Variants in PISD observed in about 807,000 individuals in gnomAD.
The protein encoded by PISD is phosphatidylserine decarboxylase, also known as phosphatidylserine decarboxylase proenzyme, mitochondrial.
A neutral mutation model predicts 43.5 loss-of-function variants in PISD; 31 were observed. The ratio of observed to expected loss-of-function variants is 0.71; its 90% confidence interval spans 0.54 to 0.96. The LOEUF is 0.96. Ranked by LOEUF, PISD falls within the 40% of genes least tolerant of loss-of-function variation. The pLI, the probability that PISD is intolerant of heterozygous loss-of-function variation, is 0.00. For missense variants in PISD, 523 were observed against 548.4 expected (o/e 0.95, Z 0.46); for synonymous variants, 259 against 228.7 (o/e 1.13, Z -1.20).
At chr22:31,620,918 T>TC in intron 6 of PISD, 78 bp downstream of exon 6, 1 of 1,490,626 alleles carries the variant, frequency 6.7e-7, no homozygotes, top group Non-Finnish European at 9.0e-7. Context: ...TGGAGCCTGG[T>TC]CCCCCAACAC....
intron 3 of PISD, among the ~76,000 whole-genome samples, chr22:31,637,205 A>ATATG (rs2073529910): frequency 2.7e-5 from 3 of 110,610 alleles, no homozygotes; most frequent in African/African-American, 1.1e-4. Context: ...ATATATATAT[A>ATATG]TAGAAAAATT....
chr22:31,625,197 C>T (rs946105295), intron 3 of PISD, among the ~76,000 whole-genome samples: 1 of 152,228 alleles, frequency 6.6e-6, no homozygotes. Flanking sequence ...TGGCGAACCC[C>T]GCTCAGGCTC....
intron 3 of PISD, among the ~76,000 whole-genome samples, chr22:31,633,646 T>C (rs1603403889): frequency 6.6e-6 from 1 of 151,320 alleles, no homozygotes; most frequent in Non-Finnish European, 1.5e-5. Context: ...ACCCAGGAGG[T>C]GGAGGTTGCA....
At chr22:31,638,935 T>G (rs1034590845) in intron 3 of PISD, among the ~76,000 whole-genome samples, 1 of 151,020 alleles carries the variant, frequency 6.6e-6, no homozygotes, top group Non-Finnish European at 1.5e-5. Flanking sequence ...GAGGCCGTGG[T>G]GAGCCCTGCT....
Position 31,650,623 on chromosome 22 carries a change from C to G in PISD, c.145+76G>C, listed in dbSNP as rs139862235. The G allele has an allele frequency of 3.6e-4, 294 of 810,242 alleles. 2 individuals are homozygous for G. The East Asian group carries it at 3.8e-3, about 10-fold the overall frequency. 50.2% of individuals were successfully genotyped at this position (810,242 alleles called of 1,614,324 possible). On this transcript the variant is annotated intron_variant, in intron 2 of 7. Coordinates refer to ENST00000439502, the MANE Select transcript of PISD (RefSeq NM_001326411.2). ...TAACTCATTTAACTCTAACAACAAC[C>G]CTATGTTTATCCCAATTTACAGATG...
chr22:31,634,043 A>G (rs1219009804), intron 3 of PISD, among the ~76,000 whole-genome samples: 2 of 152,176 alleles, frequency 1.3e-5, no homozygotes, highest in Non-Finnish European at 2.9e-5. Flanking sequence ...CCACCTGCAG[A>G]TGGAGGCCTC....
intron 3 of PISD, among the ~76,000 whole-genome samples, chr22:31,644,131 G>A (rs933368199): frequency 6.6e-5 from 10 of 152,042 alleles, no homozygotes; most frequent in Non-Finnish European, 1.0e-4. Flanking sequence ...GGTTCTTCAA[G>A]CTGGCTTATC....
chr22:31,652,133 T>C (rs2074043299), intron 1 of PISD, among the ~76,000 whole-genome samples: 1 of 150,398 alleles, frequency 6.6e-6, no homozygotes, highest in African/African-American at 2.5e-5. Flanking sequence ...TATTTAGTTA[T>C]GTCTTTTGTG....
chr22:31,625,580 C>T (rs2072860494), intron 3 of PISD: 2 of 687,462 alleles, frequency 2.9e-6, no homozygotes, highest in Middle Eastern at 3.9e-4. Flanking sequence ...ACCAAAGATA[C>T]CTGAAGCGGG....
intron 5 of PISD, 58 bp downstream of exon 5, chr22:31,621,276 C>T: frequency 1.2e-6 from 2 of 1,611,786 alleles, no homozygotes; most frequent in Non-Finnish European, 1.7e-6. Flanking sequence ...ATTCCCCTCC[C>T]TCCCGGTCCA....
chr22:31,645,395 G>A (rs978414280), intron 3 of PISD, among the ~76,000 whole-genome samples: 1 of 151,814 alleles, frequency 6.6e-6, no homozygotes, highest in Non-Finnish European at 1.5e-5. Context: ...GACAGAGCAA[G>A]GCCCTGCCTC....
At chr22:31,629,612 A>AG (rs2073099330) in intron 3 of PISD, 1 of 12,042 alleles carries the variant, frequency 8.3e-5, no homozygotes, top group Admixed American at 1.1e-3. Flanking sequence ...TGTGTAGGTG[A>AG]GGGGGTGTGT....
intron 3 of PISD, among the ~76,000 whole-genome samples, chr22:31,644,981 G>A (rs1169837624): frequency 6.6e-6 from 1 of 152,058 alleles, no homozygotes; most frequent in Non-Finnish European, 1.5e-5. Flanking sequence ...AAATTAGCTG[G>A]CGCAGTAATA....
intron 3 of PISD, among the ~76,000 whole-genome samples, chr22:31,635,395 C>G (rs142673322): frequency 6.6e-6 from 1 of 152,028 alleles, no homozygotes; most frequent in East Asian, 2.0e-4. Context: ...CTCTGCCTCC[C>G]GGGTTCAAGC....
In PISD at chr22:31,645,206, A is replaced by G. The variant is rs2073848682; in HGVS notation, c.321+2895T>C. ...TACCCGCAGGCTATGTGTAGAAGGT[A>G]TATCTAAAACATAAATGAGACCCCT... On this transcript the variant is annotated intron_variant, in intron 3 of 7. Coordinates refer to ENST00000439502, the MANE Select transcript of PISD (RefSeq NM_001326411.2). Among the ~76,000 whole-genome samples, 3 of 152,156 alleles carry G rather than the reference A, an allele frequency of 2.0e-5. No individual in the cohort carries two copies. The South Asian group carries it at 6.2e-4, about 31-fold the overall frequency.
chr22:31,623,645 G>A (rs1219664790), intron 3 of PISD: 20 of 1,585,118 alleles, frequency 1.3e-5, no homozygotes, highest in Non-Finnish European at 1.7e-5. Context: ...GGCCTGCCCG[G>A]AAGGGAGGTC....
Position 31,619,414 on chromosome 22 carries a change from G to C in PISD, c.*198C>G. The C allele has an allele frequency of 1.5e-6, 1 of 675,774 alleles. No individual in the cohort carries two copies. The highest frequency in any genetic ancestry group is 2.6e-4 in the Middle Eastern group (1 of 3,894). 41.9% of individuals were successfully genotyped at this position (675,774 alleles called of 1,614,324 possible). A position where few individuals can be genotyped will look rare whatever the true frequency, so the allele number is the denominator to read the frequency against. ...CAGAAGGAACGGGATAGGTTGAGGGGCATGATGGGGGCTCTCGCCACCTCT... is the reference window on the plus strand; with the variant it reads ...CAGAAGGAACGGGATAGGTTGAGGGCCATGATGGGGGCTCTCGCCACCTCT... On this transcript the variant is annotated 3_prime_UTR_variant, in exon 8 of 8. Transcript: ENST00000439502.
intron 3 of PISD, among the ~76,000 whole-genome samples, chr22:31,642,506 G>GA (rs2073763221): frequency 6.6e-6 from 1 of 150,774 alleles, no homozygotes; most frequent in Admixed American, 6.6e-5. Flanking sequence ...TAAAAATACA[G>GA]AAAAAAGGAC....
chr22:31,621,818 T>G lies in PISD; in HGVS notation c.389A>C (p.Glu130Ala). The change falls in exon 4 of 8, where the codon GAG (glutamate) becomes GCG (alanine). Residue 130 changes from glutamate to alanine, a missense_variant. Physicochemically the swap from Glu to Ala is moderately radical, Grantham distance 107. Transcript: ENST00000439502. ...SRAWGRLNQV[E>A]LPHWLRRPVY... The stretch of plus-strand genomic sequence containing the variant: ...GGGCCTGCGCAGCCAGTGTGGCAGC[T>G]CCACCTGATTGAGGCGACCCCAGGC... The G allele has an allele frequency of 2.5e-6, 4 of 1,613,474 alleles. No homozygotes were observed. The highest frequency in any genetic ancestry group is 3.4e-6 in the Non-Finnish European group (4 of 1,180,034).
Sources: gnomAD v4.1 joint callset for allele counts (sites outside exome capture counted in the v4.1 genomes callset) on GRCh38, gnomAD v4.1.1 for gene constraint, MANE v1.5 for transcripts, NCBI Gene and HGNC (gene_info 2026-07-23, HGNC 2026-07-21) for gene names.